The following LRRC72 variants were observed in gnomAD, a reference collection of about 807,000 sequenced individuals.
LRRC72 encodes leucine-rich repeat-containing protein 72.
In LRRC72, 41 loss-of-function variants were observed where a neutral mutation model predicts 35.8. The observed-to-expected ratio is 1.15, with a 90% confidence interval of 0.89 to 1.49. LRRC72 has a LOEUF of 1.49. LRRC72 is among the 40% of genes most tolerant of loss of function. The pLI, the probability that LRRC72 is intolerant of heterozygous loss-of-function variation, is 0.00. For missense variants in LRRC72, 389 were observed against 330.7 expected (o/e 1.18, Z -1.37); for synonymous variants, 118 against 119.2 (o/e 0.99, Z 0.07).
At chr7:16,530,211 C>T (rs941899022) in intron 1 of LRRC72, 4 of 152,088 alleles carry the variant, frequency 2.6e-5, no homozygotes, top group African/African-American at 7.2e-5. Flanking sequence ...TGAGAAGTCC[C>T]ACAATCTGCT....
intron 2 of LRRC72, among the ~76,000 whole-genome samples, chr7:16,535,861 T>A (rs1262397108): frequency 6.6e-6 from 1 of 152,178 alleles, no homozygotes. Flanking sequence ...AAAAAGCTAA[T>A]GTTTTCTGGT....
intron 4 of LRRC72, among the ~76,000 whole-genome samples, 157 bp from the exon 5 acceptor site, chr7:16,558,732 T>C (rs1025913859): frequency 2.0e-5 from 3 of 151,958 alleles, no homozygotes; most frequent in Non-Finnish European, 2.9e-5. Context: ...ATTTATAATA[T>C]ATTATTAATA....
chr7:16,538,736 G>T (rs1278937935), intron 3 of LRRC72, among the ~76,000 whole-genome samples: 1 of 152,194 alleles, frequency 6.6e-6, no homozygotes, highest in Non-Finnish European at 1.5e-5. Flanking sequence ...CCTCCATGTT[G>T]TTCTCATGAT....
At chr7:16,570,874 A>G (rs191394854) in intron 7 of LRRC72, among the ~76,000 whole-genome samples, 4 of 152,264 alleles carry the variant, frequency 2.6e-5, no homozygotes, top group East Asian at 3.9e-4. Flanking sequence ...AAAGGTTTCT[A>G]CAGTGCTTTT....
At position 16,581,388 on chromosome 7, in the gene LRRC72, T is replaced by G; in HGVS notation, c.763T>G (p.Leu255Val). Residue 255 changes from leucine to valine, a missense_variant, in exon 9 of 9, where the codon TTG becomes GTG. Physicochemically the swap from Leu to Val is conservative, Grantham distance 32. Transcript: ENST00000401542. ...GTCCATGAAGAGATCAGTGATGACT[T>G]TGACCTCTATGAACTGGGACACAGT... Reference protein sequence around the residue: ...VRSMKRSVMTLTSMNWDTVPT... With the variant: ...VRSMKRSVMTVTSMNWDTVPT... The G allele has an allele frequency of 6.5e-7, 1 of 1,550,060 alleles. No individual in the cohort carries two copies. The highest frequency in any genetic ancestry group is 2.4e-5 in the East Asian group (1 of 40,878).
At chr7:16,550,532 A>C (rs1782531709) in intron 3 of LRRC72, among the ~76,000 whole-genome samples, 1 of 152,218 alleles carries the variant, frequency 6.6e-6, no homozygotes, top group Non-Finnish European at 1.5e-5. Context: ...ATGAATTGAA[A>C]GAATTGGCTA....
intron 4 of LRRC72, 123 bp from the exon 5 acceptor site, chr7:16,558,763 CTAT>C: frequency 2.8e-6 from 1 of 362,080 alleles, no homozygotes; most frequent in Non-Finnish European, 5.0e-6. Flanking sequence ...CTTTAACCAG[CTAT>C]CATATGTTTT....
At chr7:16,540,829 C>G (rs961761375) in intron 3 of LRRC72, among the ~76,000 whole-genome samples, 2 of 151,734 alleles carry the variant, frequency 1.3e-5, no homozygotes, top group Admixed American at 1.3e-4. Context: ...CTTCCTGAGG[C>G]CTTCCCAGCC....
intron 3 of LRRC72, among the ~76,000 whole-genome samples, chr7:16,545,623 T>G (rs1782431737): frequency 6.6e-6 from 1 of 152,198 alleles, no homozygotes; most frequent in African/African-American, 2.4e-5. Context: ...TGAATTAGCA[T>G]ACATTCCATA....
intron 3 of LRRC72, among the ~76,000 whole-genome samples, chr7:16,538,647 C>T (rs942370196): frequency 6.6e-6 from 1 of 152,154 alleles, no homozygotes; most frequent in Non-Finnish European, 1.5e-5. Flanking sequence ...TGTCTCCACC[C>T]GAATCTCATC....
At chr7:16,541,944 G>GACACACACACACACACACAC in intron 3 of LRRC72, among the ~76,000 whole-genome samples, 1 of 149,464 alleles carries the variant, frequency 6.7e-6, no homozygotes, top group African/African-American at 2.5e-5. Flanking sequence ...CAGACAGACA[G>GACACACACACACACACACAC]ACACACACAC....
At chr7:16,530,331 T>G (rs904018001) in intron 1 of LRRC72, 1 of 152,178 alleles carries the variant, frequency 6.6e-6, no homozygotes, top group African/African-American at 2.4e-5. Context: ...ATGTCCTAAC[T>G]CCAGAAGCAA....
chr7:16,536,767 A>G (rs1782265644), intron 2 of LRRC72, among the ~76,000 whole-genome samples: 1 of 152,168 alleles, frequency 6.6e-6, no homozygotes, highest in Non-Finnish European at 1.5e-5. Context: ...TTGTGATAAA[A>G]TTTTGCCATA....
At chr7:16,531,872 A>G (rs896476085) in intron 1 of LRRC72, among the ~76,000 whole-genome samples, 6 of 152,226 alleles carry the variant, frequency 3.9e-5, no homozygotes, top group African/African-American at 1.4e-4. Flanking sequence ...CTTCTCCACC[A>G]AAAATTCTCA....
At chr7:16,580,627 GA>G (rs1783126155) in intron 8 of LRRC72, among the ~76,000 whole-genome samples, 1 of 152,194 alleles carries the variant, frequency 6.6e-6, no homozygotes, top group African/African-American at 2.4e-5. Flanking sequence ...CTGGGTGACA[GA>G]GTGAGACTCT....
chr7:16,567,687 C>A, intron 7 of LRRC72, 144 bp downstream of exon 7: 1 of 796,762 alleles, frequency 1.3e-6, no homozygotes, highest in Non-Finnish European at 1.8e-6. Flanking sequence ...AATATATTTG[C>A]TAACCTTATA....
At chr7:16,567,349 T>C (rs1782863584) in intron 6 of LRRC72, 42 bp from the exon 7 acceptor site, 1 of 1,295,870 alleles carries the variant, frequency 7.7e-7, no homozygotes, top group Non-Finnish European at 1.0e-6. Flanking sequence ...ACTCCGCCTA[T>C]TTATAATGTT....
At chr7:16,541,560 A>C (rs1256482008) in intron 3 of LRRC72, among the ~76,000 whole-genome samples, 1 of 152,226 alleles carries the variant, frequency 6.6e-6, no homozygotes, top group Non-Finnish European at 1.5e-5. Context: ...GGCAGCTAAC[A>C]GCTGGAATGG....
intron 5 of LRRC72, among the ~76,000 whole-genome samples, chr7:16,564,870 CTTT>C (rs1246516581): frequency 2.6e-5 from 4 of 151,836 alleles, no homozygotes; most frequent in African/African-American, 4.8e-5. Flanking sequence ...CCCCAATCTT[CTTT>C]ATGTTACAAA....
Sources: gnomAD v4.1 joint callset for allele counts (sites outside exome capture counted in the v4.1 genomes callset) on GRCh38, gnomAD v4.1.1 for gene constraint, MANE v1.5 for transcripts, NCBI Gene and HGNC (gene_info 2026-07-23, HGNC 2026-07-21) for gene names.